MCC: variants seen among roughly 807,000 people sequenced by gnomAD.
MCC encodes the protein colorectal mutant cancer protein.
In MCC, 90 loss-of-function variants were observed where a neutral mutation model predicts 116.2. The ratio of observed to expected loss-of-function variants is 0.77; its 90% CI spans 0.65 to 0.92. MCC has a LOEUF of 0.92. MCC is among the 40% of genes least tolerant of loss of function. The probability of loss-of-function intolerance (pLI) is 0.00; values close to 1 mark genes in which losing one functional copy is unlikely to be tolerated. For missense variants in MCC, 1,516 were observed against 1,312.2 expected (o/e 1.16, Z -2.40); for synonymous variants, 578 against 510.5 (o/e 1.13, Z -1.78).
chr5:113,364,261 C>T (rs867559716), intron 2 of MCC, among the ~76,000 whole-genome samples: 1 of 79,780 alleles, frequency 1.3e-5, no homozygotes, highest in East Asian at 2.8e-4. Flanking sequence ...AAAAAAAAAA[C>T]CAGAAAAAAA....
At chr5:113,375,180 G>A (rs1012926517) in intron 2 of MCC, among the ~76,000 whole-genome samples, 1 of 151,738 alleles carries the variant, frequency 6.6e-6, no homozygotes, top group South Asian at 2.1e-4. Flanking sequence ...ACCTGGGTGT[G>A]TTTCCTTATT....
chr5:113,157,945 G>A lies in MCC; in HGVS notation c.628-6523C>T, dbSNP rs150949867. ...CATTATGATGTAAAATAAGGATGAC[G>A]TGAACACAAGCACTGTGATGCCATG... On this transcript the variant is annotated intron_variant, in intron 3 of 18. Transcript: ENST00000408903. Among the ~76,000 whole-genome samples the A allele has an allele frequency of 5.5e-3, 832 of 152,294 alleles. 2 individuals are homozygous for A. Among genetic ancestry groups the A allele is most frequent in the Non-Finnish European group, 8.8e-3 (599 of 68,022 alleles).
intron 17 of MCC, among the ~76,000 whole-genome samples, chr5:113,041,661 A>C (rs527312058): frequency 6.6e-6 from 1 of 152,146 alleles, no homozygotes; most frequent in South Asian, 2.1e-4. Flanking sequence ...ACCTGGCTAC[A>C]TTTTCTGGGT....
chr5:113,078,586 A>G (rs1754622215), intron 11 of MCC, among the ~76,000 whole-genome samples: 1 of 152,246 alleles, frequency 6.6e-6, no homozygotes, highest in Non-Finnish European at 1.5e-5. Context: ...GATGCAGAAA[A>G]GGCCTTTGAC....
At chr5:113,233,235 C>T (rs1346256287) in intron 3 of MCC, among the ~76,000 whole-genome samples, 6 of 152,106 alleles carry the variant, frequency 3.9e-5, no homozygotes, top group East Asian at 1.9e-4. Flanking sequence ...CAAGTTATAT[C>T]GGCAAATGTA....
chr5:113,148,627 T>G (rs557058498), intron 4 of MCC, among the ~76,000 whole-genome samples: 10 of 152,220 alleles, frequency 6.6e-5, no homozygotes, highest in Admixed American at 2.6e-4. Flanking sequence ...ACATGAATCT[T>G]TTACCAAGGC....
intron 6 of MCC, among the ~76,000 whole-genome samples, chr5:113,114,866 T>A (rs1239822418): frequency 6.6e-6 from 1 of 152,150 alleles, no homozygotes; most frequent in Non-Finnish European, 1.5e-5. Context: ...CACCCTTCAA[T>A]TCTTCATACG....
At chr5:113,231,151 G>C (rs899395376) in intron 3 of MCC, among the ~76,000 whole-genome samples, 1 of 152,154 alleles carries the variant, frequency 6.6e-6, no homozygotes, top group Non-Finnish European at 1.5e-5. Flanking sequence ...GAGAAATGCA[G>C]AGTAAGCCTT....
chr5:113,058,430 T>A lies in MCC; in HGVS notation c.2214-4471A>T, dbSNP rs537241146. 6.6e-5 allele frequency among the ~76,000 whole-genome samples: 10 copies of A among 152,302 alleles called. No individual in the cohort carries two copies. In the South Asian group the frequency reaches 1.2e-3, roughly 19 times the overall value. On this transcript the variant is annotated intron_variant, in intron 14 of 18. Transcript: ENST00000408903. The stretch of plus-strand genomic sequence containing the variant: ...TGTCAAGACCTCCACAGTCAGGAAC[T>A]CTGGAGGTGGAGCCCAGCAATCTGT...
chr5:113,276,511 A>T (rs1413665494), intron 3 of MCC, among the ~76,000 whole-genome samples: 1 of 152,182 alleles, frequency 6.6e-6, no homozygotes, highest in African/African-American at 2.4e-5. Flanking sequence ...AGATATTAGA[A>T]AACACAAAGT....
At chr5:113,240,050 A>G (rs1010517048) in intron 3 of MCC, among the ~76,000 whole-genome samples, 2 of 152,178 alleles carry the variant, frequency 1.3e-5, no homozygotes, top group Non-Finnish European at 2.9e-5. Flanking sequence ...CTGGTCTCCT[A>G]TTCTGCAAAT....
In MCC at chr5:113,125,309, A is replaced by G. The variant is rs111489194; in HGVS notation, c.885-2483T>C. 1.3e-4 allele frequency among the ~76,000 whole-genome samples: 19 copies of G among 151,838 alleles called. 1 individual carries two copies. The highest frequency in any genetic ancestry group is 1.8e-4 in the Non-Finnish European group (12 of 67,924). On this transcript the variant is annotated intron_variant, in intron 5 of 18. Transcript: ENST00000408903. ...AGAAGAAGAGAAATGCATTCCAGCT[A>G]TGGTAATCATTATAAGTATTCTAGA...
At chr5:113,422,397 A>G (rs913599548) in intron 1 of MCC, among the ~76,000 whole-genome samples, 2 of 152,086 alleles carry the variant, frequency 1.3e-5, no homozygotes, top group African/African-American at 4.8e-5. Flanking sequence ...CATGTAATTT[A>G]TTTGTTTACA....
intron 3 of MCC, among the ~76,000 whole-genome samples, chr5:113,254,807 G>A (rs1764945895): frequency 1.3e-5 from 2 of 152,194 alleles, no homozygotes; most frequent in African/African-American, 4.8e-5. Context: ...CAATCTAAGA[G>A]TGTGAAAGAC....
chr5:113,108,794 T>A (rs569121694), intron 6 of MCC, among the ~76,000 whole-genome samples: 2 of 152,232 alleles, frequency 1.3e-5, no homozygotes, highest in African/African-American at 4.8e-5. Flanking sequence ...GGGCTACACA[T>A]ACTTTCTTTG....
At chr5:113,283,585 G>A (rs951852865) in intron 3 of MCC, among the ~76,000 whole-genome samples, 1 of 151,964 alleles carries the variant, frequency 6.6e-6, no homozygotes, top group African/African-American at 2.4e-5. Context: ...AGAAAGGAGA[G>A]GCTTGACCAA....
intron 16 of MCC, among the ~76,000 whole-genome samples, chr5:113,047,138 G>A (rs1049180711): frequency 1.1e-4 from 17 of 152,142 alleles, no homozygotes; most frequent in African/African-American, 3.4e-4. Flanking sequence ...AATCTCCCAA[G>A]TGGACATTTG....
Position 113,109,148 on chromosome 5 carries a change from C to T in MCC, c.1028-4793G>A, listed in dbSNP as rs114551641. On this transcript the variant is annotated intron_variant, in intron 6 of 18. Coordinates refer to ENST00000408903, the MANE Select transcript of MCC (RefSeq NM_001085377.2). ...GGTCCTAAGTATAGGAGTAGAGTTG[C>T]TGGATCATATGGTAATTCTATGTTT... Among the ~76,000 whole-genome samples the T allele has an allele frequency of 6.1e-3, 927 of 152,232 alleles. 14 individuals carry two copies. The highest frequency in any genetic ancestry group is 0.022 in the African/African-American group (898 of 41,526).
At chr5:113,375,527 C>G (rs1308200260) in intron 2 of MCC, among the ~76,000 whole-genome samples, 2 of 152,162 alleles carry the variant, frequency 1.3e-5, no homozygotes, top group Non-Finnish European at 2.9e-5. Context: ...CAATTCTCAG[C>G]TGGGCTGGGC....
Sources: gnomAD v4.1 joint callset for allele counts (sites outside exome capture counted in the v4.1 genomes callset) on GRCh38, gnomAD v4.1.1 for gene constraint, MANE v1.5 for transcripts, NCBI Gene and HGNC (gene_info 2026-07-23, HGNC 2026-07-21) for gene names.